The following PCSK2 variants were observed in gnomAD, a reference collection of about 807,000 sequenced individuals.
PCSK2 encodes proprotein convertase subtilisin/kexin type 2.
Under a neutral mutation model 69.7 loss-of-function variants are expected in PCSK2, and 14 were observed. The ratio of observed to expected loss-of-function variants is 0.20; its 90% CI spans 0.13 to 0.31. The LOEUF (loss-of-function observed/expected upper bound fraction) is 0.31, where lower values mean the gene tolerates loss of function less well. PCSK2 is among the 10% of genes least tolerant of loss of function. The pLI is 1.00. For missense variants in PCSK2, 544 were observed against 842.5 expected (o/e 0.65, Z 4.39); for synonymous variants, 307 against 320.7 (o/e 0.96, Z 0.46).
chr20:17,449,593 C>T (rs542954733), intron 8 of PCSK2, among the ~76,000 whole-genome samples: 11 of 110,414 alleles, frequency 1.0e-4, no homozygotes, highest in African/African-American at 1.6e-4. Context: ...TGCAATAGCG[C>T]GATCTCAGCT....
chr20:17,397,424 C>A (rs2031534710), intron 5 of PCSK2, among the ~76,000 whole-genome samples: 2 of 152,106 alleles, frequency 1.3e-5, no homozygotes, highest in Admixed American at 6.5e-5. Flanking sequence ...TTTTACTCTT[C>A]TTTCTTGCAG....
At chr20:17,364,408 A>G (rs1182927250) in intron 4 of PCSK2, among the ~76,000 whole-genome samples, 1 of 152,184 alleles carries the variant, frequency 6.6e-6, no homozygotes, top group Non-Finnish European at 1.5e-5. Flanking sequence ...AGACTGGGTA[A>G]TTTATAAAGA....
At chr20:17,363,778 G>A (rs1202142316) in intron 4 of PCSK2, among the ~76,000 whole-genome samples, 1 of 152,184 alleles carries the variant, frequency 6.6e-6, no homozygotes, top group Non-Finnish European at 1.5e-5. Flanking sequence ...CATTTATTGA[G>A]TAATCACTAT....
chr20:17,306,651 C>T (rs1281794248), intron 2 of PCSK2, among the ~76,000 whole-genome samples: 1 of 152,168 alleles, frequency 6.6e-6, no homozygotes, highest in Non-Finnish European at 1.5e-5. Flanking sequence ...TCCCTGATTT[C>T]TCATTATTGC....
chr20:17,319,570 A>T (rs1169693748), intron 2 of PCSK2, among the ~76,000 whole-genome samples: 1 of 151,972 alleles, frequency 6.6e-6, no homozygotes, highest in East Asian at 1.9e-4. Context: ...GTGCAGAAAC[A>T]TTTTTCAAGC....
chr20:17,438,759 G>A (rs2032536907), intron 8 of PCSK2, among the ~76,000 whole-genome samples: 1 of 152,204 alleles, frequency 6.6e-6, no homozygotes, highest in African/African-American at 2.4e-5. Context: ...CCACACCCAG[G>A]GCACAGCCCA....
chr20:17,412,194 GAAGTAGGCTTCAGA>G, intron 6 of PCSK2, among the ~76,000 whole-genome samples: 2 of 152,302 alleles, frequency 1.3e-5, no homozygotes, highest in Middle Eastern at 6.8e-3. Flanking sequence ...TGAGTTGACA[GAAGTAGGCTTCAGA>G]AGCTCAGTAA....
intron 2 of PCSK2, among the ~76,000 whole-genome samples, chr20:17,286,746 A>G (rs1011645330): frequency 2.0e-5 from 3 of 152,216 alleles, no homozygotes; most frequent in African/African-American, 7.2e-5. Flanking sequence ...CATGAATTGC[A>G]GAACAGCTCA....
intron 1 of PCSK2, among the ~76,000 whole-genome samples, chr20:17,246,459 ACAAT>A (rs1986774851): frequency 6.6e-6 from 1 of 152,240 alleles, no homozygotes. Context: ...GTAATTACTC[ACAAT>A]CAGTCTTCGA....
At chr20:17,351,863 A>T (rs1362574055) in intron 2 of PCSK2, among the ~76,000 whole-genome samples, 1 of 152,184 alleles carries the variant, frequency 6.6e-6, no homozygotes, top group African/African-American at 2.4e-5. Flanking sequence ...ATCAGGCAAG[A>T]GAATGAAATA....
intron 1 of PCSK2, among the ~76,000 whole-genome samples, chr20:17,254,867 A>T (rs568282052): frequency 1.1e-3 from 175 of 152,326 alleles, no homozygotes; most frequent in African/African-American, 3.8e-3. Flanking sequence ...TGTACTTTTC[A>T]GTGTATACAT....
chr20:17,450,939 C>G (rs2035295895), intron 8 of PCSK2, among the ~76,000 whole-genome samples: 1 of 152,104 alleles, frequency 6.6e-6, no homozygotes, highest in South Asian at 2.1e-4. Context: ...CAGCCCCATC[C>G]CATAACCAGC....
rs560433060 is a variant in PCSK2, at chr20:17,295,521, T to A, written c.282+35177T>A. 2.3e-3 allele frequency among the ~76,000 whole-genome samples: 329 copies of A among 142,024 alleles called. 1 individual carries two copies. The highest frequency in any genetic ancestry group is 7.8e-3 in the African/African-American group (312 of 39,756). The allele number at this position is 142,024 out of a possible 152,430, so 93.2% of individuals were successfully genotyped here. On this transcript the variant is annotated intron_variant, in intron 2 of 11. Transcript: ENST00000262545. Reference sequence around the variant, plus strand: ...TTATTTATTTATTGTATATTTATTTTTATATATATTTATTTATTTATATTA... The same window carrying A: ...TTATTTATTTATTGTATATTTATTTATATATATATTTATTTATTTATATTA...
At chr20:17,331,207 G>T (rs2123151604) in intron 2 of PCSK2, among the ~76,000 whole-genome samples, 1 of 152,284 alleles carries the variant, frequency 6.6e-6, no homozygotes. Flanking sequence ...CCCACTCCTT[G>T]TGGGCTGTGC....
intron 11 of PCSK2, among the ~76,000 whole-genome samples, chr20:17,473,654 A>C (rs768798974): frequency 5.3e-5 from 8 of 152,200 alleles, no homozygotes; most frequent in Non-Finnish European, 1.2e-4. Context: ...AAAATCAGAA[A>C]ATGCAAGTGA....
chr20:17,364,952 A>G (rs746132044), intron 4 of PCSK2, among the ~76,000 whole-genome samples: 1 of 152,086 alleles, frequency 6.6e-6, no homozygotes. Context: ...GTGCTTTACT[A>G]TAGTTTGGTC....
intron 8 of PCSK2, among the ~76,000 whole-genome samples, chr20:17,444,385 A>G (rs949652480): frequency 6.6e-6 from 1 of 152,232 alleles, no homozygotes; most frequent in Non-Finnish European, 1.5e-5. Context: ...CTGACTCCTT[A>G]GGGATTTGAA....
At chr20:17,278,679 G>C (rs1170143763) in intron 2 of PCSK2, among the ~76,000 whole-genome samples, 2 of 151,876 alleles carry the variant, frequency 1.3e-5, no homozygotes, top group Admixed American at 1.3e-4. Context: ...ATGTAACAAA[G>C]CTGCACGCTA....
chr20:17,293,100 C>A (rs1269529203), intron 2 of PCSK2, among the ~76,000 whole-genome samples: 1 of 152,206 alleles, frequency 6.6e-6, no homozygotes, highest in African/African-American at 2.4e-5. Flanking sequence ...GCTGAAATTA[C>A]AGGCATGAGC....
Sources: gnomAD v4.1 joint callset for allele counts (sites outside exome capture counted in the v4.1 genomes callset) on GRCh38, gnomAD v4.1.1 for gene constraint, MANE v1.5 for transcripts, NCBI Gene and HGNC (gene_info 2026-07-23, HGNC 2026-07-21) for gene names.